Variants in MME observed in about 807,000 individuals in gnomAD.
MME encodes the protein neprilysin.
Under a neutral mutation model 113.2 loss-of-function variants are expected in MME, and 98 were observed. The ratio of observed to expected loss-of-function variants is 0.87; its 90% CI spans 0.74 to 1.02. The LOEUF (loss-of-function observed/expected upper bound fraction) is 1.02, where lower values mean the gene tolerates loss of function less well. Ranked by LOEUF, MME falls within the 50% of genes least tolerant of loss-of-function variation. The pLI, the probability that MME is intolerant of heterozygous loss-of-function variation, is 0.00. For missense variants in MME, 836 were observed against 896.0 expected, an observed-to-expected ratio of 0.93 and a Z score of 0.86; for synonymous variants, 292 against 300.6, an observed-to-expected ratio of 0.97 and a Z score of 0.30.
At chr3:155,124,889 C>T (rs1217839058) in intron 8 of MME, among the ~76,000 whole-genome samples, 1 of 152,172 alleles carries the variant, frequency 6.6e-6, no homozygotes, top group East Asian at 1.9e-4. Context: ...TGTGCCCTGC[C>T]CCCAGAGGTG....
chr3:155,116,135 T>A (rs1000907563), intron 4 of MME, among the ~76,000 whole-genome samples: 5 of 151,990 alleles, frequency 3.3e-5, no homozygotes, highest in Admixed American at 6.6e-5. Flanking sequence ...TGTTTTTTTT[T>A]AATCTCAATT....
chr3:155,106,581 C>A (rs765984286), intron 3 of MME, among the ~76,000 whole-genome samples: 1 of 152,140 alleles, frequency 6.6e-6, no homozygotes, highest in Non-Finnish European at 1.5e-5. Flanking sequence ...GAATTGAATC[C>A]TTTGTGACCC....
chr3:155,083,030 A>T (rs1246922772), intron 1 of MME, among the ~76,000 whole-genome samples: 1 of 152,254 alleles, frequency 6.6e-6, no homozygotes, highest in Non-Finnish European at 1.5e-5. Flanking sequence ...TTATACAGTC[A>T]TGCAGAAAAA....
intron 22 of MME, among the ~76,000 whole-genome samples, chr3:155,177,561 C>T (rs1712665881): frequency 6.6e-6 from 1 of 152,110 alleles, no homozygotes; most frequent in African/African-American, 2.4e-5. Flanking sequence ...AAATTTGTTT[C>T]TCACAGTTCT....
At chr3:155,134,121 G>T (rs1720427562) in intron 8 of MME, among the ~76,000 whole-genome samples, 1 of 151,972 alleles carries the variant, frequency 6.6e-6, no homozygotes, top group African/African-American at 2.4e-5. Flanking sequence ...AGTGATTAGA[G>T]TTTTTTAAAA....
At chr3:155,066,871 C>T (rs1255679368) in intron 1 of MME, among the ~76,000 whole-genome samples, 1 of 152,092 alleles carries the variant, frequency 6.6e-6, no homozygotes, top group Non-Finnish European at 1.5e-5. Context: ...AGACTTTTTT[C>T]TTGACCTAAG....
In MME at chr3:155,093,302, G is replaced by A. The variant is rs970359531; in HGVS notation, c.196+8208G>A. Among the ~76,000 whole-genome samples, 30 of 152,048 alleles carry A rather than the reference G, an allele frequency of 2.0e-4. 1 individual carries two copies. In the South Asian group the frequency reaches 4.8e-3, roughly 24 times the overall value. On this transcript the variant is annotated intron_variant, in intron 3 of 22. Transcript: ENST00000360490. ...TTAATTATATTAGCAATATATTGAC[G>A]AAAAGTCTCTGGAAATAGTAAATCA...
In MME at chr3:155,118,840, A is replaced by G. The variant is rs760276490; in HGVS notation, c.720+29A>G. ...AAAAGAAAAAAAATAATCAAAACCA[A>G]ACTACAAAATGATCTGGTGTAAACC... On this transcript the variant is annotated intron_variant, in intron 8 of 22. Transcript: ENST00000360490. 1.1e-5 allele frequency: 15 copies of G among 1,366,522 alleles called. No homozygotes were observed. In the East Asian group the frequency reaches 3.6e-4, roughly 33 times the overall value. The allele number at this position is 1,366,522 out of a possible 1,614,324, so 84.6% of individuals were successfully genotyped here. A position where few individuals can be genotyped will look rare whatever the true frequency, so the allele number is the denominator to read the frequency against.
At chr3:155,125,443 CCT>C (rs1719562132) in intron 8 of MME, among the ~76,000 whole-genome samples, 1 of 93,876 alleles carries the variant, frequency 1.1e-5, no homozygotes, top group African/African-American at 3.6e-5. Flanking sequence ...GGCTCCTCCT[CCT>C]TTTTTTTTTT....
chr3:155,128,959 CTG>C (rs1719920772), intron 8 of MME, among the ~76,000 whole-genome samples: 1 of 152,192 alleles, frequency 6.6e-6, no homozygotes, highest in Admixed American at 6.5e-5. Flanking sequence ...TTTACAAACT[CTG>C]TGTTCTCTTT....
chr3:155,116,396 T>C, intron 4 of MME, 83 bp from the exon 5 acceptor site: 1 of 1,058,748 alleles, frequency 9.4e-7, no homozygotes, highest in Non-Finnish European at 1.5e-6. Flanking sequence ...TTGCAAATGT[T>C]AATTACTGCA....
At chr3:155,058,550 G>A (rs1010191489) in intron 1 of MME, among the ~76,000 whole-genome samples, 1 of 152,030 alleles carries the variant, frequency 6.6e-6, no homozygotes, top group Non-Finnish European at 1.5e-5. Context: ...CTAGCATTGT[G>A]CCAAAGAACA....
upstream of MME, among the ~76,000 whole-genome samples, chr3:155,079,038 C>A (rs933699419): frequency 2.9e-4 from 44 of 152,146 alleles, no homozygotes; most frequent in African/African-American, 9.6e-4. Context: ...GATGTACACA[C>A]GTTTTAAGAT....
chr3:155,093,159 T>G (rs901108025), intron 3 of MME, among the ~76,000 whole-genome samples: 18 of 152,300 alleles, frequency 1.2e-4, no homozygotes, highest in African/African-American at 4.3e-4. Context: ...TGCTATTGTA[T>G]GTTGAGTCCA....
At position 155,180,743 on chromosome 3, in the gene MME, A is replaced by G. The variant is rs1713012473; in HGVS notation, c.*284A>G. ...TTTATTTCTGTTTCTCATATGGTCT[A>G]CCAGTTTGCTGATGTCCCTAGAAAA... On this transcript the variant is annotated 3_prime_UTR_variant, in exon 23 of 23. Transcript: ENST00000360490. 5.4e-6 allele frequency: 2 copies of G among 371,564 alleles called. No homozygotes were observed. The highest frequency in any genetic ancestry group is 2.1e-5 in the African/African-American group (1 of 47,998). The allele number at this position is 371,564 out of a possible 1,614,324, so 23.0% of individuals were successfully genotyped here. A position where few individuals can be genotyped will look rare whatever the true frequency, so the allele number is the denominator to read the frequency against.
chr3:155,054,548 G>T (rs1467837988), intron 1 of MME, among the ~76,000 whole-genome samples: 2 of 152,220 alleles, frequency 1.3e-5, no homozygotes. Flanking sequence ...TAGACTGGGT[G>T]CAGTGGCTCA....
chr3:155,066,192 C>G (rs1467400605), intron 1 of MME, among the ~76,000 whole-genome samples: 1 of 152,040 alleles, frequency 6.6e-6, no homozygotes, highest in African/African-American at 2.4e-5. Context: ...TTTTATAGTA[C>G]TAGTTTAAGT....
At chr3:155,151,087 T>C (rs964468858) in intron 16 of MME, among the ~76,000 whole-genome samples, 1 of 152,128 alleles carries the variant, frequency 6.6e-6, no homozygotes, top group African/African-American at 2.4e-5. Context: ...AAAAAAAATG[T>C]AATAAAGTCA....
In MME at chr3:155,140,195, C is replaced by T. The variant is rs202094946; in HGVS notation, c.860C>T (p.Thr287Met). The T allele has an allele frequency of 5.2e-5, 83 of 1,606,968 alleles. No homozygotes were observed. The highest frequency in any genetic ancestry group is 6.5e-5 in the Non-Finnish European group (76 of 1,175,002). Residue 287 changes from threonine to methionine, a missense_variant, in exon 10 of 23, where the codon ACG becomes ATG. By Grantham distance (81) the Thr-to-Met change is moderately conservative. Coordinates refer to ENST00000360490, the MANE Select transcript of MME (RefSeq NM_007289.4). ...MELEKEIANA[T>M]AKPEDRNDPM... ...GATTAAAAATTAAATCCATAGGCTA[C>T]GGCTAAACCTGAAGATCGAAATGAT...
Sources: allele counts gnomAD v4.1 joint callset (sites outside exome capture counted in the v4.1 genomes callset), GRCh38; gene constraint gnomAD v4.1.1; transcripts MANE v1.5; gene names NCBI Gene and HGNC (gene_info 2026-07-23, HGNC 2026-07-21).